KANK1: variants seen among roughly 807,000 people sequenced by gnomAD.
KANK1 encodes KN motif and ankyrin repeat domains 1.
Under a neutral mutation model 106.2 loss-of-function variants are expected in KANK1, and 109 were observed. The observed-to-expected ratio is 1.03, with a 90% CI of 0.88 to 1.20. The LOEUF (loss-of-function observed/expected upper bound fraction) is 1.20. Ranked by LOEUF, KANK1 falls within the 50% of genes most tolerant of loss-of-function variation. KANK1 has a pLI of 0.00. For synonymous variants in KANK1, 873 were observed against 652.2 expected (o/e 1.34, Z -5.16); for missense variants, 2,399 against 1,710.7 (o/e 1.40, Z -7.10).
chr9:627,779 G>A (rs12238166), intron 1 of KANK1, among the ~76,000 whole-genome samples: 23,482 of 152,130 alleles, frequency 0.15, 1,992 homozygotes, highest in Admixed American at 0.18. Context: ...GGATTGGTGG[G>A]TTTTGTTCTT....
At chr9:563,440 A>AT (rs1350498289) in intron 1 of KANK1, among the ~76,000 whole-genome samples, 4 of 152,222 alleles carry the variant, frequency 2.6e-5, no homozygotes, top group Non-Finnish European at 5.9e-5. Flanking sequence ...GAGAATAAAC[A>AT]TGCTGTTTTA....
intron 8 of KANK1, among the ~76,000 whole-genome samples, chr9:739,724 AT>A (rs1273523969): frequency 1.3e-5 from 2 of 152,146 alleles, no homozygotes; most frequent in Admixed American, 6.5e-5. Flanking sequence ...AAATTAAATA[AT>A]TTTAATTCCA....
chr9:713,492 T>C (rs1311865590), intron 3 of KANK1, 28 bp downstream of exon 3: 1 of 1,519,626 alleles, frequency 6.6e-7, no homozygotes, highest in East Asian at 2.3e-5. Flanking sequence ...GACCTGGGAA[T>C]GAGGAAGGAT....
intron 6 of KANK1, 150 bp from the exon 7 acceptor site, chr9:734,598 G>A (rs372069976): frequency 1.6e-4 from 86 of 539,004 alleles, no homozygotes; most frequent in South Asian, 6.0e-4. Flanking sequence ...TCCAGGAGGC[G>A]GAGGTTGCAG....
At chr9:602,105 A>G (rs1005670352) in intron 1 of KANK1, among the ~76,000 whole-genome samples, 4 of 151,942 alleles carry the variant, frequency 2.6e-5, no homozygotes, top group Admixed American at 6.5e-5. Flanking sequence ...CTGTAGAAAA[A>G]TAGGTTCTTT....
At position 745,199 on chromosome 9, in the gene KANK1, G is replaced by T; in HGVS notation, c.4023G>T (p.Thr1341=). The T allele has an allele frequency of 6.2e-7, 1 of 1,613,950 alleles. No individual in the cohort carries two copies. The highest frequency in any genetic ancestry group is 8.5e-7 in the Non-Finnish European group (1 of 1,179,940). The change falls in exon 12 of 12, where the codon ACG becomes ACT. Residue 1341 remains threonine (T), a synonymous_variant. Coordinates refer to ENST00000382297, the MANE Select transcript of KANK1 (RefSeq NM_015158.5). ...SPGTPRLGRK[T]SPGPTHRGSF... ...GCACCCCTAGGCTTGGAAGGAAGAC[G>T]TCTCCTGGCCCCACCCACCGAGGTT...
At chr9:713,562 G>A in intron 3 of KANK1, 98 bp downstream of exon 3, 1 of 1,323,134 alleles carries the variant, frequency 7.6e-7, no homozygotes, top group Admixed American at 2.6e-5. Flanking sequence ...ACCATTTTTG[G>A]AGGAGAAATG....
chr9:511,967 G>A (rs2059047139), intron 1 of KANK1, among the ~76,000 whole-genome samples: 1 of 152,108 alleles, frequency 6.6e-6, no homozygotes, highest in Non-Finnish European at 1.5e-5. Flanking sequence ...GTCATTCCCT[G>A]GTACCCAGCT....
At chr9:739,301 C>T (rs1223666542) in intron 8 of KANK1, among the ~76,000 whole-genome samples, 1 of 152,176 alleles carries the variant, frequency 6.6e-6, no homozygotes, top group Non-Finnish European at 1.5e-5. Flanking sequence ...CAGAGTATCT[C>T]AGTCTGATTA....
chr9:585,322 G>A (rs879807488), intron 1 of KANK1, among the ~76,000 whole-genome samples: 2 of 152,142 alleles, frequency 1.3e-5, no homozygotes, highest in African/African-American at 2.4e-5. Flanking sequence ...ATTAGAACAC[G>A]TTCACTTTGT....
At chr9:504,336 G>A (rs939369480), upstream of KANK1, among the ~76,000 whole-genome samples, 1 of 151,746 alleles carries the variant, frequency 6.6e-6, no homozygotes, top group Non-Finnish European at 1.5e-5. Context: ...TCGCCGCGGC[G>A]AGGCCCGCGG....
At chr9:567,979 C>T (rs1010906063) in intron 1 of KANK1, among the ~76,000 whole-genome samples, 7 of 150,756 alleles carry the variant, frequency 4.6e-5, no homozygotes, top group Admixed American at 6.6e-5. Context: ...CAAAGTTCAA[C>T]GCTTGGCATT....
chr9:591,483 A>T (rs1467529444), intron 1 of KANK1, among the ~76,000 whole-genome samples: 1 of 151,584 alleles, frequency 6.6e-6, no homozygotes, highest in Non-Finnish European at 1.5e-5. Context: ...TCCTGCTGTA[A>T]AGCCCCACCT....
At chr9:554,940 G>C (rs1393610777) in intron 1 of KANK1, among the ~76,000 whole-genome samples, 1 of 152,202 alleles carries the variant, frequency 6.6e-6, no homozygotes, top group Non-Finnish European at 1.5e-5. Context: ...AACAGGAAGA[G>C]AGTTAGTGAA....
intron 1 of KANK1, among the ~76,000 whole-genome samples, chr9:590,228 A>G (rs777505143): frequency 6.6e-6 from 1 of 152,126 alleles, no homozygotes; most frequent in Non-Finnish European, 1.5e-5. Flanking sequence ...GTGAAGACCG[A>G]GTAGCAATAG....
chr9:676,830 G>C lies in KANK1; in HGVS notation c.-83-60G>C, dbSNP rs974762026. ...GTCATCTTTGTAAACAGAAGTCTAA[G>C]ATTTAGTTTGTACATTTTTTAAATG... is the stretch of plus-strand genomic sequence containing the variant. On this transcript the variant is annotated intron_variant, in intron 1 of 11. Transcript: ENST00000382297. 9.6e-5 allele frequency: 59 copies of C among 612,572 alleles called. No individual in the cohort carries two copies. In the African/African-American group the frequency reaches 1.7e-3, roughly 18 times the overall value. 37.9% of individuals were successfully genotyped at this position (612,572 alleles called of 1,614,324 possible). A position where few individuals can be genotyped will look rare whatever the true frequency, so the allele number is the denominator to read the frequency against.
At chr9:562,418 C>T (rs945518597) in intron 1 of KANK1, among the ~76,000 whole-genome samples, 3 of 152,152 alleles carry the variant, frequency 2.0e-5, no homozygotes, top group Admixed American at 6.5e-5. Context: ...AAGATGGGAA[C>T]GGACAAAAAG....
At chr9:550,210 T>G (rs926839118) in intron 1 of KANK1, among the ~76,000 whole-genome samples, 4 of 143,864 alleles carry the variant, frequency 2.8e-5, no homozygotes, top group African/African-American at 5.0e-5. Context: ...CCGCCTCCCC[T>G]CCCCCCAGGG....
At chr9:632,876 T>C (rs1836095926) in intron 1 of KANK1, among the ~76,000 whole-genome samples, 1 of 151,964 alleles carries the variant, frequency 6.6e-6, no homozygotes, top group Non-Finnish European at 1.5e-5. Flanking sequence ...GTAGTCTTAG[T>C]AGACACGGGG....
Sources: allele counts gnomAD v4.1 joint callset (sites outside exome capture counted in the v4.1 genomes callset), GRCh38; gene constraint gnomAD v4.1.1; transcripts MANE v1.5; gene names NCBI Gene and HGNC (gene_info 2026-07-23, HGNC 2026-07-21).